CAPN13: variants seen among roughly 807,000 people sequenced by gnomAD.
The protein encoded by CAPN13 is calpain 13.
CAPN13 carries 90 observed loss-of-function variants against 98.4 expected under a neutral mutation model. That is an observed-to-expected ratio of 0.92 (90% CI 0.77 to 1.09). The LOEUF (loss-of-function observed/expected upper bound fraction) is 1.09. Ranked by LOEUF, CAPN13 falls within the 50% of genes least tolerant of loss-of-function variation. The pLI is 0.00. For missense variants in CAPN13, 887 were observed against 841.3 expected (o/e 1.05, Z -0.67); for synonymous variants, 330 against 305.5 (o/e 1.08, Z -0.84).
intron 2 of CAPN13, among the ~76,000 whole-genome samples, chr2:30,783,998 T>A (rs1284480856): frequency 6.6e-6 from 1 of 151,974 alleles, no homozygotes; most frequent in African/African-American, 2.4e-5. Context: ...CTGACCAACA[T>A]GGTAAAACCC....
chr2:30,756,265 C>T (rs369711505), intron 8 of CAPN13, among the ~76,000 whole-genome samples: 34 of 152,254 alleles, frequency 2.2e-4, no homozygotes, highest in African/African-American at 6.7e-4. Flanking sequence ...TGCCTCAGGC[C>T]GGCTTGTTGG....
In CAPN13 at chr2:30,802,542, TGGG is replaced by T. The variant is rs56730178; in HGVS notation, c.-33+4757_-33+4759del. ...GTGAGTGAAGCAGAGAAAGGCAGGC[TGGG>T]GGGGGGGGGTGGTGGTTAGACCTCT... On this transcript the variant is annotated intron_variant, in intron 1 of 22. Transcript: ENST00000295055. Among the ~76,000 whole-genome samples the T allele has an allele frequency of 8.3e-3, 949 of 114,652 alleles. 15 individuals carry two copies. The highest frequency in any genetic ancestry group is 0.03 in the African/African-American group (913 of 30,710). The allele number at this position is 114,652 out of a possible 152,430, so 75.2% of individuals were successfully genotyped here.
intron 11 of CAPN13, among the ~76,000 whole-genome samples, chr2:30,750,247 C>T (rs561027463): frequency 9.3e-5 from 14 of 151,204 alleles, no homozygotes; most frequent in Non-Finnish European, 1.6e-4. Context: ...TAAGTGGGAG[C>T]TAAATAATAA....
At chr2:30,775,646 C>CA (rs1451596231) in intron 4 of CAPN13, among the ~76,000 whole-genome samples, 1 of 152,176 alleles carries the variant, frequency 6.6e-6, no homozygotes, top group Admixed American at 6.5e-5. Flanking sequence ...CAGGAATAGA[C>CA]AGAGACAAAA....
intron 1 of CAPN13, among the ~76,000 whole-genome samples, chr2:30,801,604 T>TAAA (rs10609363): frequency 4.1e-4 from 33 of 79,584 alleles, no homozygotes; most frequent in Middle Eastern, 8.8e-3. Context: ...GACTCAGTCT[T>TAAA]AAAAAAAAAA....
chr2:30,766,606 C>T (rs905313764), intron 5 of CAPN13, among the ~76,000 whole-genome samples: 1 of 152,206 alleles, frequency 6.6e-6, no homozygotes, highest in South Asian at 2.1e-4. Context: ...TTCCTCGTCA[C>T]CTGACCCAGG....
intron 2 of CAPN13, among the ~76,000 whole-genome samples, chr2:30,781,794 T>G (rs1000629556): frequency 3.3e-5 from 5 of 152,200 alleles, no homozygotes; most frequent in African/African-American, 4.8e-5. Context: ...TCTCTCATCA[T>G]AAATATATCA....
At chr2:30,754,802 C>G (rs1418298889) in intron 8 of CAPN13, among the ~76,000 whole-genome samples, 1 of 152,200 alleles carries the variant, frequency 6.6e-6, no homozygotes, top group Non-Finnish European at 1.5e-5. Flanking sequence ...TTCCATCCTT[C>G]CTGCTGTTAC....
intron 2 of CAPN13, among the ~76,000 whole-genome samples, chr2:30,784,057 G>A (rs58472648): frequency 6.6e-6 from 1 of 152,070 alleles, no homozygotes; most frequent in Admixed American, 6.5e-5. Context: ...GCTCATGCCT[G>A]TAATCCCGGC....
chr2:30,803,049 A>T (rs1411969178), intron 1 of CAPN13, among the ~76,000 whole-genome samples: 1 of 152,078 alleles, frequency 6.6e-6, no homozygotes, highest in Non-Finnish European at 1.5e-5. Flanking sequence ...CTCTGCCCTC[A>T]TCTCCCCCAG....
chr2:30,803,463 A>G (rs1303899457), intron 1 of CAPN13, among the ~76,000 whole-genome samples: 1 of 152,148 alleles, frequency 6.6e-6, no homozygotes, highest in Non-Finnish European at 1.5e-5. Flanking sequence ...ACCAGTGGAG[A>G]TCAGAGGGCA....
intron 13 of CAPN13, among the ~76,000 whole-genome samples, chr2:30,742,782 T>C (rs1476095514): frequency 1.3e-5 from 2 of 152,124 alleles, no homozygotes; most frequent in Non-Finnish European, 2.9e-5. Context: ...AGGGGCCCAG[T>C]GGGGTGAGCA....
At chr2:30,800,140 G>GAAAGAA (rs1553322240) in intron 1 of CAPN13, among the ~76,000 whole-genome samples, 11 of 145,262 alleles carry the variant, frequency 7.6e-5, no homozygotes, top group African/African-American at 1.9e-4. Context: ...AAGAAAGAAA[G>GAAAGAA]AAAGAAAGAA....
At chr2:30,760,830 G>A (rs12052795) in intron 7 of CAPN13, among the ~76,000 whole-genome samples, 113,866 of 152,188 alleles carry the variant, frequency 0.75, 43,249 homozygotes, top group African/African-American at 0.9. Flanking sequence ...GGCTACACCT[G>A]AGAATGGGCC....
At chr2:30,753,817 G>A (rs989626598) in intron 9 of CAPN13, among the ~76,000 whole-genome samples, 3 of 152,094 alleles carry the variant, frequency 2.0e-5, no homozygotes, top group South Asian at 2.1e-4. Context: ...GCATATGGCC[G>A]AGAACGTGTT....
intron 2 of CAPN13, among the ~76,000 whole-genome samples, chr2:30,785,510 T>C (rs1197744046): frequency 6.6e-6 from 1 of 152,076 alleles, no homozygotes; most frequent in African/African-American, 2.4e-5. Flanking sequence ...AGGAGAGTAG[T>C]AATGGGAAAA....
Position 30,770,404 on chromosome 2 carries a change from G to C in CAPN13, c.433C>G (p.Leu145Val), listed in dbSNP as rs763334134. The C allele has an allele frequency of 3.1e-6, 5 of 1,614,048 alleles. No homozygotes were observed. In the South Asian group the frequency reaches 5.5e-5, roughly 18 times the overall value. ...QWVEVVIDDR[L>V]PVQGDKCLFV... The stretch of plus-strand genomic sequence containing the variant: ...AGGCATTTATCTCCCTGGACAGGTA[G>C]GCGGTCATCAATCACCACTTCCACC... The change falls in exon 5 of 23, where the codon CTA (leucine) becomes GTA (valine). Residue 145 changes from leucine (L) to valine (V), a missense_variant. Coordinates refer to ENST00000295055, the MANE Select transcript of CAPN13 (RefSeq NM_144575.3).
intron 10 of CAPN13, among the ~76,000 whole-genome samples, chr2:30,752,848 A>G (rs1306955707): frequency 1.3e-5 from 2 of 152,218 alleles, no homozygotes; most frequent in Non-Finnish European, 2.9e-5. Flanking sequence ...GGAGAATCAC[A>G]TCAGAGATTC....
At chr2:30,767,221 G>A (rs768411220) in intron 5 of CAPN13, among the ~76,000 whole-genome samples, 5 of 152,100 alleles carry the variant, frequency 3.3e-5, no homozygotes, top group East Asian at 1.9e-4. Context: ...GCTCACAGAC[G>A]TCCTCTCTGG....
Sources: gnomAD v4.1 joint callset for allele counts (sites outside exome capture counted in the v4.1 genomes callset) on GRCh38, gnomAD v4.1.1 for gene constraint, MANE v1.5 for transcripts, NCBI Gene and HGNC (gene_info 2026-07-23, HGNC 2026-07-21) for gene names.